GRM8: variants seen among roughly 807,000 people sequenced by gnomAD.
GRM8 encodes the protein metabotropic glutamate receptor 8.
Under a neutral mutation model 87.2 loss-of-function variants are expected in GRM8, and 47 were observed. The ratio of observed to expected loss-of-function variants is 0.54; its 90% CI spans 0.43 to 0.69. The LOEUF (loss-of-function observed/expected upper bound fraction) is 0.69. Ranked by LOEUF, GRM8 falls within the 30% of genes least tolerant of loss-of-function variation. The pLI, the probability that GRM8 is intolerant of heterozygous loss-of-function variation, is 0.00. For synonymous variants in GRM8, 396 were observed against 404.5 expected (o/e 0.98, Z 0.25); for missense variants, 1,019 against 1,139.2 (o/e 0.89, Z 1.52).
intron 7 of GRM8, among the ~76,000 whole-genome samples, chr7:126,697,151 C>T (rs1211552634): frequency 8.0e-6 from 1 of 125,132 alleles, no homozygotes; most frequent in African/African-American, 3.1e-5. Context: ...TATGTTCTCA[C>T]TTATGTGTGG....
At chr7:127,236,875 C>T (rs998335067) in intron 2 of GRM8, among the ~76,000 whole-genome samples, 9 of 152,060 alleles carry the variant, frequency 5.9e-5, no homozygotes, top group Non-Finnish European at 1.2e-4. Flanking sequence ...CAGCAACAAA[C>T]TAGATAGACA....
intron 2 of GRM8, among the ~76,000 whole-genome samples, chr7:127,131,544 C>T (rs542914005): frequency 9.9e-5 from 15 of 152,264 alleles, no homozygotes; most frequent in East Asian, 3.9e-4. Flanking sequence ...TGTCAGATAA[C>T]GAGGGCTTCC....
In GRM8 at chr7:126,567,564, G is replaced by T. The variant is rs1318264309; in HGVS notation, c.1495-33677C>A. 3.3e-5 allele frequency among the ~76,000 whole-genome samples: 5 copies of T among 152,012 alleles called. No individual in the cohort carries two copies. The East Asian group carries it at 9.6e-4, about 29-fold the overall frequency. ...CTAAAACTTAAATAATAAAAAATTT[G>T]TTAAGAGGGTAGATTTCATGTTAAG... is the stretch of plus-strand genomic sequence containing the variant. On this transcript the variant is annotated intron_variant, in intron 8 of 10. Coordinates refer to ENST00000339582, the MANE Select transcript of GRM8 (RefSeq NM_000845.3).
intron 7 of GRM8, among the ~76,000 whole-genome samples, chr7:126,677,288 C>T (rs1045201241): frequency 2.0e-5 from 3 of 150,406 alleles, no homozygotes; most frequent in Admixed American, 1.3e-4. Flanking sequence ...GAAAATAGCA[C>T]GGAAATTTCT....
intron 3 of GRM8, among the ~76,000 whole-genome samples, chr7:127,007,833 T>C (rs754928535): frequency 1.3e-5 from 2 of 152,044 alleles, no homozygotes; most frequent in Non-Finnish European, 2.9e-5. Flanking sequence ...GAAGTCATTG[T>C]AACAGAGCTC....
chr7:126,957,053 A>G (rs958547278), intron 3 of GRM8, among the ~76,000 whole-genome samples: 7 of 152,182 alleles, frequency 4.6e-5, no homozygotes, highest in African/African-American at 1.2e-4. Context: ...ACTTTTTTAA[A>G]GTTCCACAGC....
chr7:127,201,798 G>A (rs1176940751), intron 2 of GRM8, among the ~76,000 whole-genome samples: 2 of 152,170 alleles, frequency 1.3e-5, no homozygotes, highest in Non-Finnish European at 2.9e-5. Flanking sequence ...CCACCATTCT[G>A]TGGATGGCCC....
chr7:126,884,344 C>G (rs1286313217), intron 6 of GRM8, among the ~76,000 whole-genome samples: 8 of 151,966 alleles, frequency 5.3e-5, no homozygotes, highest in Non-Finnish European at 8.8e-5. Context: ...AAACCTTTGT[C>G]AAAGATAGAA....
At chr7:126,837,768 A>T (rs1335483041) in intron 6 of GRM8, among the ~76,000 whole-genome samples, 1 of 152,220 alleles carries the variant, frequency 6.6e-6, no homozygotes, top group African/African-American at 2.4e-5. Context: ...TATTTTAGGG[A>T]TTTGACTCCT....
At chr7:127,080,555 T>C (rs1463436571) in intron 3 of GRM8, 2 of 152,116 alleles carry the variant, frequency 1.3e-5, no homozygotes, top group African/African-American at 4.8e-5. Flanking sequence ...CTCACTCCTT[T>C]CCCAGGTATT....
rs1270294435 is a variant in GRM8 at position 126,631,438 on chromosome 7, G to A, written c.1358-21940C>T. 6.6e-5 allele frequency among the ~76,000 whole-genome samples: 10 copies of A among 152,122 alleles called. 1 individual carries two copies. Among genetic ancestry groups the A allele is most frequent in the African/African-American group, 1.7e-4 (7 of 41,504 alleles). On this transcript the variant is annotated intron_variant, in intron 7 of 10. Coordinates refer to ENST00000339582, the MANE Select transcript of GRM8 (RefSeq NM_000845.3). ...ATCATGGATAGGAAGAATCAATATC[G>A]TAAAAATGGCCATACTGCCCAAAGC...
chr7:127,054,628 C>CT (rs1351083871), intron 3 of GRM8, among the ~76,000 whole-genome samples: 1 of 152,128 alleles, frequency 6.6e-6, no homozygotes, highest in Admixed American at 6.5e-5. Flanking sequence ...ACCCAAAAGG[C>CT]TAGTGAATAA....
chr7:126,506,191 T>C (rs1810439506), intron 9 of GRM8, among the ~76,000 whole-genome samples: 1 of 152,058 alleles, frequency 6.6e-6, no homozygotes, highest in Non-Finnish European at 1.5e-5. Context: ...TAAGGCTGGA[T>C]AAAATTCCAC....
At chr7:126,709,766 C>T (rs896038512) in intron 7 of GRM8, among the ~76,000 whole-genome samples, 4 of 152,024 alleles carry the variant, frequency 2.6e-5, no homozygotes, top group African/African-American at 9.7e-5. Flanking sequence ...ATGAAAACAA[C>T]CTAAGTGTCC....
intron 3 of GRM8, among the ~76,000 whole-genome samples, chr7:126,988,215 G>A (rs573636943): frequency 3.3e-5 from 5 of 152,190 alleles, no homozygotes; most frequent in Non-Finnish European, 7.3e-5. Flanking sequence ...CACCCTTCAT[G>A]CGAAATGACG....
At chr7:127,008,147 C>A (rs373405136) in intron 3 of GRM8, among the ~76,000 whole-genome samples, 2 of 151,982 alleles carry the variant, frequency 1.3e-5, no homozygotes, top group East Asian at 3.9e-4. Context: ...ATCTTTCTGG[C>A]AGAGGCTTTA....
At chr7:126,725,691 G>C (rs1224355006) in intron 7 of GRM8, among the ~76,000 whole-genome samples, 1 of 152,148 alleles carries the variant, frequency 6.6e-6, no homozygotes, top group Non-Finnish European at 1.5e-5. Flanking sequence ...AAGAAAAGGG[G>C]TTTCATTGGC....
At chr7:126,867,140 G>T (rs1332348627) in intron 6 of GRM8, among the ~76,000 whole-genome samples, 1 of 152,138 alleles carries the variant, frequency 6.6e-6, no homozygotes, top group Non-Finnish European at 1.5e-5. Context: ...TTCCAGGTGT[G>T]TGTTTTCCTA....
At chr7:126,558,683 T>C (rs1441257535) in intron 8 of GRM8, among the ~76,000 whole-genome samples, 1 of 152,178 alleles carries the variant, frequency 6.6e-6, no homozygotes, top group African/African-American at 2.4e-5. Flanking sequence ...GAAAAAAAAG[T>C]CTTTACATGT....
Sources: gnomAD v4.1 joint callset for allele counts (sites outside exome capture counted in the v4.1 genomes callset) on GRCh38, gnomAD v4.1.1 for gene constraint, MANE v1.5 for transcripts, NCBI Gene and HGNC (gene_info 2026-07-23, HGNC 2026-07-21) for gene names.